The following NTRK3 variants were observed in gnomAD, a reference collection of about 807,000 sequenced individuals.
NTRK3 encodes the protein NT-3 growth factor receptor.
NTRK3 carries 24 observed loss-of-function variants against 91.7 expected under a neutral mutation model. That is an observed-to-expected ratio of 0.26 (90% CI 0.19 to 0.37). The LOEUF is 0.37. Ranked by LOEUF, NTRK3 falls within the 10% of genes least tolerant of loss-of-function variation. The probability of loss-of-function intolerance (pLI) is 1.00; values close to 1 mark genes in which losing one functional copy is unlikely to be tolerated. For missense variants in NTRK3, 880 were observed against 1,068.9 expected (o/e 0.82, Z 2.46); for synonymous variants, 483 against 404.0 (o/e 1.20, Z -2.34).
At chr15:88,128,213 T>C (rs1025854086) in intron 11 of NTRK3, among the ~76,000 whole-genome samples, 1 of 152,224 alleles carries the variant, frequency 6.6e-6, no homozygotes, top group Non-Finnish European at 1.5e-5. Flanking sequence ...AAATCACTTA[T>C]AAACTGAGCC....
chr15:88,184,353 G>A (rs2046778667), intron 3 of NTRK3, 54 bp from the exon 4 acceptor site: 6 of 1,559,442 alleles, frequency 3.8e-6, no homozygotes, highest in Non-Finnish European at 5.3e-6. Flanking sequence ...AAATGGGGCT[G>A]GCTTTGGAGC....
rs150589532 is a variant in NTRK3 at position 87,959,268 on chromosome 15, G to A, written c.1586-18515C>T. On this transcript the variant is annotated intron_variant, in intron 14 of 18. Coordinates refer to ENST00000394480, the Ensembl canonical transcript of NTRK3. Reference sequence around the variant, plus strand: ...AGTGGGCAGAGCTCTGGCTCCTTGCGTCTCCATCAGTGCTGTACCCAGCAC... The same window carrying A: ...AGTGGGCAGAGCTCTGGCTCCTTGCATCTCCATCAGTGCTGTACCCAGCAC... 6.9e-3 allele frequency among the ~76,000 whole-genome samples: 1,058 copies of A among 152,252 alleles called. 8 individuals are homozygous for A. The highest frequency in any genetic ancestry group is 0.023 in the African/African-American group (960 of 41,538).
chr15:88,079,193 C>T (rs1445297470), intron 13 of NTRK3, among the ~76,000 whole-genome samples: 1 of 152,124 alleles, frequency 6.6e-6, no homozygotes, highest in Non-Finnish European at 1.5e-5. Flanking sequence ...TGGTTAGACT[C>T]GTGACACAGT....
intron 13 of NTRK3, among the ~76,000 whole-genome samples, chr15:88,061,331 G>A (rs2046193317): frequency 1.3e-5 from 2 of 152,202 alleles, no homozygotes; most frequent in Non-Finnish European, 2.9e-5. Flanking sequence ...GAGCTCCGAG[G>A]AGGGAGCCCT....
intron 17 of NTRK3, among the ~76,000 whole-genome samples, chr15:87,912,411 AC>A (rs1183213521): frequency 6.6e-6 from 1 of 151,892 alleles, no homozygotes; most frequent in Non-Finnish European, 1.5e-5. Flanking sequence ...ACCCAATTCC[AC>A]CCCTCATTTA....
At chr15:88,177,955 T>C (rs779547675) in intron 5 of NTRK3, among the ~76,000 whole-genome samples, 6 of 152,234 alleles carry the variant, frequency 3.9e-5, no homozygotes, top group African/African-American at 9.6e-5. Flanking sequence ...TCAGAGAAGT[T>C]CAATAATTTG....
At chr15:88,231,918 C>A (rs899788284) in intron 3 of NTRK3, among the ~76,000 whole-genome samples, 1 of 152,180 alleles carries the variant, frequency 6.6e-6, no homozygotes, top group Non-Finnish European at 1.5e-5. Flanking sequence ...AACAAAGATA[C>A]TTAAATTTTT....
chr15:88,082,277 C>CA (rs1218706062), intron 13 of NTRK3, among the ~76,000 whole-genome samples: 1,022 of 69,828 alleles, frequency 0.015, 9 homozygotes, highest in East Asian at 0.031. Context: ...GACTCTGTCT[C>CA]AAAAAAAAAA....
chr15:87,890,674 G>C (rs565468644), intron 17 of NTRK3, among the ~76,000 whole-genome samples: 1 of 151,978 alleles, frequency 6.6e-6, no homozygotes, highest in African/African-American at 2.4e-5. Context: ...TCATCTTTGG[G>C]AAATGAAATC....
intron 14 of NTRK3, chr15:87,977,941 C>T (rs2073868220): frequency 4.3e-6 from 1 of 232,666 alleles, no homozygotes; most frequent in Non-Finnish European, 8.5e-6. Context: ...CAACACCACC[C>T]CAAAACAACG....
intron 14 of NTRK3, among the ~76,000 whole-genome samples, chr15:87,988,634 A>T (rs1264041274): frequency 6.6e-6 from 1 of 152,212 alleles, no homozygotes; most frequent in Non-Finnish European, 1.5e-5. Flanking sequence ...CAGAATTTAT[A>T]ATTTAATGGT....
chr15:87,941,539 C>T (rs906937230), intron 14 of NTRK3, among the ~76,000 whole-genome samples: 24 of 152,030 alleles, frequency 1.6e-4, no homozygotes, highest in African/African-American at 5.8e-4. Context: ...GCTGTAGTGA[C>T]CCCATCACAG....
intron 13 of NTRK3, among the ~76,000 whole-genome samples, chr15:88,039,752 T>C (rs1488401827): frequency 1.3e-5 from 2 of 152,222 alleles, no homozygotes; most frequent in African/African-American, 2.4e-5. Context: ...ACCAGCAGTT[T>C]TGCCACGACA....
At chr15:88,018,350 A>G (rs2077379713) in intron 14 of NTRK3, among the ~76,000 whole-genome samples, 1 of 152,120 alleles carries the variant, frequency 6.6e-6, no homozygotes, top group South Asian at 2.1e-4. Context: ...AGTCTCCAAG[A>G]TCTCCCAAAA....
intron 5 of NTRK3, among the ~76,000 whole-genome samples, chr15:88,182,629 G>C (rs1373580413): frequency 1.3e-5 from 2 of 152,180 alleles, no homozygotes; most frequent in African/African-American, 4.8e-5. Context: ...TATCCTTGGA[G>C]TTGACCCAGA....
intron 3 of NTRK3, among the ~76,000 whole-genome samples, chr15:88,254,886 G>A (rs2053846798): frequency 6.6e-6 from 1 of 152,162 alleles, no homozygotes; most frequent in African/African-American, 2.4e-5. Flanking sequence ...TGGTAGGTTA[G>A]GAAGGGGTCA....
intron 13 of NTRK3, among the ~76,000 whole-genome samples, chr15:88,110,570 T>C (rs1214564358): frequency 6.6e-6 from 1 of 152,162 alleles, no homozygotes; most frequent in Non-Finnish European, 1.5e-5. Context: ...ATGCCTTAAG[T>C]GGTCTGCTGA....
intron 3 of NTRK3, among the ~76,000 whole-genome samples, chr15:88,245,587 G>A (rs546596733): frequency 8.5e-5 from 13 of 152,290 alleles, no homozygotes; most frequent in African/African-American, 2.4e-4. Context: ...AAATGAGCTA[G>A]AGGCGGAGAG....
At chr15:87,913,802 A>C (rs2067259449) in intron 17 of NTRK3, among the ~76,000 whole-genome samples, 1 of 152,220 alleles carries the variant, frequency 6.6e-6, no homozygotes, top group Admixed American at 6.5e-5. Flanking sequence ...GAAAACATGG[A>C]TGTATATCCA....
Sources: allele counts gnomAD v4.1 joint callset (sites outside exome capture counted in the v4.1 genomes callset), GRCh38; gene constraint gnomAD v4.1.1; transcripts MANE v1.5; gene names NCBI Gene and HGNC (gene_info 2026-07-23, HGNC 2026-07-21).